EHD3: variants seen among roughly 807,000 people sequenced by gnomAD.
The protein encoded by EHD3 is EH domain containing 3.
In EHD3, 17 loss-of-function variants were observed where a neutral mutation model predicts 43.0. That is an observed-to-expected ratio of 0.40 (90% CI 0.27 to 0.59). The LOEUF is 0.59. Among genes scored for constraint, EHD3 ranks in the 20% least tolerant of loss-of-function variants. The pLI is 0.49. For synonymous variants in EHD3, 313 were observed against 289.5 expected, an observed-to-expected ratio of 1.08 and a Z score of -0.82; for missense variants, 594 against 705.6, an observed-to-expected ratio of 0.84 and a Z score of 1.79.
chr2:31,266,240 G>C lies in EHD3; in HGVS notation c.1144G>C (p.Val382Leu), dbSNP rs1397267503. Reference sequence around the variant, plus strand: ...GCTGAAGAGCAAGCTGCTGGAGGTAGTGGACGACATGCTGGCCCATGACAT... The same window carrying C: ...GCTGAAGAGCAAGCTGCTGGAGGTACTGGACGACATGCTGGCCCATGACAT... ...QPLKSKLLEV[V>L]DDMLAHDIAQ... is the part of the protein sequence containing the mutation. Residue 382 changes from valine (V) to leucine (L), a missense_variant, in exon 6 of 6, where the codon GTG (valine) becomes CTG (leucine). Physicochemically the swap from Val to Leu is conservative, Grantham distance 32. Around this residue, in one of 3 missense-constraint regions of EHD3, gnomAD observed 322 missense variants for 348.0 expected, o/e 0.93. Coordinates refer to ENST00000322054, the MANE Select transcript of EHD3 (RefSeq NM_014600.3). This position sits in a 1 kb window ranked among gnomAD's most constrained non-coding sequence, Gnocchi z 5.1. 2.5e-6 allele frequency: 4 copies of C among 1,614,076 alleles called. No individual in the cohort carries two copies. In the African/African-American group the frequency reaches 5.3e-5, roughly 22 times the overall value.
intron 5 of EHD3, among the ~76,000 whole-genome samples, chr2:31,262,727 G>A (rs778214824): frequency 2.0e-5 from 3 of 152,176 alleles, no homozygotes; most frequent in Non-Finnish European, 4.4e-5. Context: ...AGACCAGCCT[G>A]GCCAACATGG....
intron 1 of EHD3, among the ~76,000 whole-genome samples, chr2:31,239,330 G>T (rs1385413387): frequency 6.6e-6 from 1 of 152,166 alleles, no homozygotes; most frequent in Non-Finnish European, 1.5e-5. Flanking sequence ...TCCTTTGTCT[G>T]ATAGGGTTCT....
intron 1 of EHD3, among the ~76,000 whole-genome samples, chr2:31,242,736 A>G (rs1683445876): frequency 6.6e-6 from 1 of 152,116 alleles, no homozygotes; most frequent in South Asian, 2.1e-4. Flanking sequence ...AGGCAGGTGG[A>G]TCACCTGAGG....
chr2:31,265,133 T>G (rs1200077065), intron 5 of EHD3, among the ~76,000 whole-genome samples: 1 of 152,176 alleles, frequency 6.6e-6, no homozygotes, highest in Admixed American at 6.5e-5. Context: ...CAATGCCTTC[T>G]TCTGGAATTC....
rs151207923 is a variant in EHD3, at chr2:31,256,357, A to G, written c.503-4153A>G. On this transcript the variant is annotated intron_variant, in intron 3 of 5. Transcript: ENST00000322054. ...CTACGACTGAGTCACTGATTCCTCA[A>G]CCATAAAACTGAGGCCCAGAGATTA... 3.0e-3 allele frequency among the ~76,000 whole-genome samples: 451 copies of G among 152,332 alleles called. 1 individual carries two copies. Among genetic ancestry groups the G allele is most frequent in the African/African-American group, 7.2e-3 (298 of 41,568 alleles).
In EHD3 at chr2:31,260,160, C is replaced by G. The variant is rs1454798522; in HGVS notation, c.503-350C>G. 9.2e-5 allele frequency among the ~76,000 whole-genome samples: 14 copies of G among 151,960 alleles called. No homozygotes were observed. The highest frequency in any genetic ancestry group is 7.4e-5 in the Non-Finnish European group (5 of 67,998). ...AGGTTGCAGTGAGCAGAGGCAGTGC[C>G]ACTACACTCCAGCCTGGGTGAGAGA... On this transcript the variant is annotated intron_variant, in intron 3 of 5. Transcript: ENST00000322054. The surrounding 1 kb of genome is among the most constrained non-coding windows in gnomAD (Gnocchi z 4.6).
intron 1 of EHD3, among the ~76,000 whole-genome samples, chr2:31,239,839 C>CTCTAACA (rs1558646404): frequency 3.0e-3 from 173 of 57,356 alleles, no homozygotes; most frequent in African/African-American, 0.017. Context: ...TCTCCTCTCT[C>CTCTAACA]GAGCTGACTC....
intron 2 of EHD3, among the ~76,000 whole-genome samples, chr2:31,248,083 A>G (rs974350758): frequency 6.6e-6 from 1 of 152,180 alleles, no homozygotes; most frequent in Non-Finnish European, 1.5e-5. Context: ...ATGTGCCACC[A>G]GCTTCACTGC....
rs369984308 is a variant in EHD3, at chr2:31,261,520, G to A, written c.916-29G>A. ...AAGGGACCGTCCAGGGTCTTGATGT[G>A]AAGGCTTCTCTCTGGCCCTGTTTGT... On this transcript the variant is annotated intron_variant, in intron 4 of 5. Transcript: ENST00000322054. 1,480 of 1,613,254 alleles carry A rather than the reference G, an allele frequency of 9.2e-4. 24 individuals carry two copies. The South Asian group carries it at 0.015, about 17-fold the overall frequency.
intron 1 of EHD3, among the ~76,000 whole-genome samples, chr2:31,242,334 TG>T (rs1683438571): frequency 6.6e-6 from 1 of 152,120 alleles, no homozygotes; most frequent in Non-Finnish European, 1.5e-5. Context: ...GGTGTGTGTG[TG>T]GGTGTTGGGT....
intron 4 of EHD3, among the ~76,000 whole-genome samples, chr2:31,261,296 G>A (rs1683849938): frequency 6.6e-6 from 1 of 152,190 alleles, no homozygotes; most frequent in Non-Finnish European, 1.5e-5. Flanking sequence ...GCCTTCAGCA[G>A]CAGCAACATG....
intron 3 of EHD3, among the ~76,000 whole-genome samples, chr2:31,251,322 G>A (rs1683631752): frequency 6.6e-6 from 1 of 152,186 alleles, no homozygotes; most frequent in African/African-American, 2.4e-5. Flanking sequence ...GGAAAGGGAA[G>A]ACAGTGAGAG....
intron 2 of EHD3, among the ~76,000 whole-genome samples, chr2:31,246,908 T>C (rs1248088192): frequency 3.3e-5 from 5 of 152,130 alleles, no homozygotes; most frequent in South Asian, 2.1e-4. Flanking sequence ...ACCTTTTTTT[T>C]TTTTTTGAGA....
intron 3 of EHD3, among the ~76,000 whole-genome samples, chr2:31,255,298 T>C (rs968067827): frequency 6.6e-6 from 1 of 152,150 alleles, no homozygotes; most frequent in Non-Finnish European, 1.5e-5. Flanking sequence ...AGAGCTACCG[T>C]TGTGGGTCTC....
In EHD3 at chr2:31,268,942, C is replaced by T. The variant is rs545241599; in HGVS notation, c.*2238C>T. ...ATATGCTGCCTCTCTTCCCTCTCTCCATCTTGAAGTCTCCACCCAGGAGAG... is the reference window on the plus strand; with the variant it reads ...ATATGCTGCCTCTCTTCCCTCTCTCTATCTTGAAGTCTCCACCCAGGAGAG... On this transcript the variant is annotated 3_prime_UTR_variant, in exon 6 of 6. Coordinates refer to ENST00000322054, the MANE Select transcript of EHD3 (RefSeq NM_014600.3). 2 of 152,424 alleles carry T rather than the reference C, an allele frequency of 1.3e-5. No individual in the cohort carries two copies. Among genetic ancestry groups the T allele is most frequent in the East Asian group, 3.9e-4 (2 of 5,184 alleles). 9.4% of individuals were successfully genotyped at this position (152,424 alleles called of 1,614,324 possible). A position where few individuals can be genotyped will look rare whatever the true frequency, so the allele number is the denominator to read the frequency against.
At chr2:31,240,827 G>A (rs1416063258) in intron 1 of EHD3, among the ~76,000 whole-genome samples, 1 of 152,148 alleles carries the variant, frequency 6.6e-6, no homozygotes, top group East Asian at 1.9e-4. Context: ...TATTTCAGCT[G>A]TCCCTGGAGC....
intron 5 of EHD3, among the ~76,000 whole-genome samples, chr2:31,262,201 C>T (rs1572473504): frequency 6.6e-6 from 1 of 152,202 alleles, no homozygotes; most frequent in Non-Finnish European, 1.5e-5. Flanking sequence ...TATCTTGGGC[C>T]AGTGGCCATC....
intron 1 of EHD3, among the ~76,000 whole-genome samples, chr2:31,239,726 G>A (rs1005461470): frequency 3.3e-5 from 5 of 152,176 alleles, no homozygotes; most frequent in South Asian, 2.1e-4. Context: ...AGTAATAACC[G>A]CCTCACAGCA....
intron 2 of EHD3, among the ~76,000 whole-genome samples, chr2:31,248,548 T>C (rs1289692706): frequency 6.6e-6 from 1 of 151,936 alleles, no homozygotes; most frequent in Non-Finnish European, 1.5e-5. Flanking sequence ...ACAGCAGGAG[T>C]TGGCAAGCAT....
Sources: gnomAD v4.1 joint callset for allele counts (sites outside exome capture counted in the v4.1 genomes callset) on GRCh38, gnomAD v4.1.1 for gene constraint, gnomAD v4.1.1 regional missense constraint, Gnocchi (gnomAD v3.1) non-coding constraint, MANE v1.5 for transcripts, NCBI Gene and HGNC (gene_info 2026-07-23, HGNC 2026-07-21) for gene names.